Variants in RAB11FIP5 observed in about 807,000 individuals in gnomAD.
The protein encoded by RAB11FIP5 is RAB11 family interacting protein 5, also known as rab11 family-interacting protein 5.
A neutral mutation model predicts 85.1 loss-of-function variants in RAB11FIP5; 48 were observed. The ratio of observed to expected loss-of-function variants is 0.56; its 90% CI spans 0.45 to 0.72. RAB11FIP5 has a LOEUF of 0.72. Ranked by LOEUF, RAB11FIP5 falls within the 30% of genes least tolerant of loss-of-function variation. RAB11FIP5 has a pLI of 0.00. For missense variants in RAB11FIP5, 1,491 were observed against 1,687.0 expected, an observed-to-expected ratio of 0.88 and a Z score of 2.04; for synonymous variants, 729 against 727.3, an observed-to-expected ratio of 1.00 and a Z score of -0.04.
Position 73,076,292 on chromosome 2 carries a change from A to C in RAB11FIP5, c.3582-110T>G. The C allele has an allele frequency of 2.8e-6, 3 of 1,067,688 alleles. No homozygotes were observed. In the South Asian group the frequency reaches 4.4e-5, roughly 16 times the overall value. 66.1% of individuals were successfully genotyped at this position (1,067,688 alleles called of 1,614,324 possible). A position where few individuals can be genotyped will look rare whatever the true frequency, so the allele number is the denominator to read the frequency against. On this transcript the variant is annotated intron_variant, in intron 4 of 5. Transcript: ENST00000486777. ...AGGTCTGCTGGACAGAAAGCCCAGC[A>C]CTGGGTGGTAGCTGCCCCTACAGAG...
In RAB11FIP5 at chr2:73,075,945, TC is replaced by T; in HGVS notation, c.3771+47del. On this transcript the variant is annotated intron_variant, in intron 5 of 5. Coordinates refer to ENST00000486777, the MANE Select transcript of RAB11FIP5 (RefSeq NM_001371272.1). This position sits in a 1 kb window ranked among gnomAD's most constrained non-coding sequence, Gnocchi z 4.6. Reference sequence around the variant, plus strand: ...CCTCACCAGGACCAAGCCCTGAGACTCCACCACACATTCTGTCAGATGGCCC... The same window carrying T: ...CCTCACCAGGACCAAGCCCTGAGACTCACCACACATTCTGTCAGATGGCCC... The T allele has an allele frequency of 6.3e-7, 1 of 1,575,244 alleles. No individual in the cohort carries two copies. The highest frequency in any genetic ancestry group is 8.7e-7 in the Non-Finnish European group (1 of 1,155,562).
intron 4 of RAB11FIP5, among the ~76,000 whole-genome samples, chr2:73,079,283 C>T (rs755809250): frequency 6.6e-6 from 1 of 152,102 alleles, no homozygotes; most frequent in South Asian, 2.1e-4. Flanking sequence ...CCCCCACCCA[C>T]AGCTCCCCTG....
rs909073924 is a variant in RAB11FIP5 at position 73,080,297 on chromosome 2, C to G, written c.2935G>C (p.Val979Leu). 1.6e-6 allele frequency: 2 copies of G among 1,233,030 alleles called. No homozygotes were observed. Among genetic ancestry groups the G allele is most frequent in the Non-Finnish European group, 2.0e-6 (2 of 988,772 alleles). The allele number at this position is 1,233,030 out of a possible 1,614,324, so 76.4% of individuals were successfully genotyped here. ...LLGQPGLEEL[V>L]EDASPPVSGP... ...GACACAGGGGGGCTGGCATCCTCCA[C>G]TAGCTCTTCCAGGCCAGGCTGGCCC... The change falls in exon 4 of 6, where the codon GTG (valine) becomes CTG (leucine). Residue 979 changes from valine to leucine, a missense_variant. Val to Leu is a conservative substitution (Grantham distance 32, BLOSUM62 1). Around this residue, in one of 3 missense-constraint regions of RAB11FIP5, gnomAD observed 1,211 missense variants for 1,338.0 expected, o/e 0.91. Coordinates refer to ENST00000486777, the MANE Select transcript of RAB11FIP5 (RefSeq NM_001371272.1).
rs1331927679 is a variant in RAB11FIP5, at chr2:73,112,813, G to A, written c.-36C>T. 7.2e-6 allele frequency: 10 copies of A among 1,398,016 alleles called. No homozygotes were observed. The highest frequency in any genetic ancestry group is 9.2e-6 in the Non-Finnish European group (10 of 1,086,216). 86.6% of individuals were successfully genotyped at this position (1,398,016 alleles called of 1,614,324 possible). On this transcript the variant is annotated 5_prime_UTR_variant, in exon 1 of 6. Transcript: ENST00000486777. ...CGGGGGGCGAGGTCTGGCCGAGCCG[G>A]TGCAGACCCCAGGACCTGGTGACAA...
At chr2:73,085,204 A>G (rs1684068832) in intron 3 of RAB11FIP5, among the ~76,000 whole-genome samples, 2 of 152,110 alleles carry the variant, frequency 1.3e-5, no homozygotes, top group African/African-American at 2.4e-5. Flanking sequence ...AGCACATTCC[A>G]GGCCCACAGG....
At chr2:73,076,297 G>A (rs1368312297) in intron 4 of RAB11FIP5, 115 bp from the exon 5 acceptor site, 1 of 1,011,198 alleles carries the variant, frequency 9.9e-7, no homozygotes, top group African/African-American at 1.6e-5. Flanking sequence ...CCAGCACTGG[G>A]TGGTAGCTGC....
intron 1 of RAB11FIP5, among the ~76,000 whole-genome samples, chr2:73,111,902 C>T (rs1232355289): frequency 1.3e-5 from 2 of 152,182 alleles, no homozygotes; most frequent in Non-Finnish European, 2.9e-5. Flanking sequence ...AGACACCTGG[C>T]TTTCCTTCCC....
At chr2:73,092,379 CT>C (rs1416154164) in intron 1 of RAB11FIP5, among the ~76,000 whole-genome samples, 2 of 152,194 alleles carry the variant, frequency 1.3e-5, no homozygotes, top group African/African-American at 4.8e-5. Flanking sequence ...GACCGGGGCC[CT>C]GTGGTGAGAT....
chr2:73,105,287 G>C (rs1684502713), intron 1 of RAB11FIP5, among the ~76,000 whole-genome samples: 1 of 152,066 alleles, frequency 6.6e-6, no homozygotes. Flanking sequence ...CTGTCACCCA[G>C]GCTGGAGTGC....
rs1386820508 is a variant in RAB11FIP5 at position 73,080,787 on chromosome 2, G to A, written c.2445C>T (p.Ser815=). 4 of 1,232,282 alleles carry A rather than the reference G, an allele frequency of 3.2e-6. No individual in the cohort carries two copies. The highest frequency in any genetic ancestry group is 3.2e-5 in the East Asian group (1 of 31,724). 76.3% of individuals were successfully genotyped at this position (1,232,282 alleles called of 1,614,324 possible). ...GGCAAAGCTGATTTTCGCCTCGGGA[G>A]GACTCATCGTCCTGGCCCTCAGCAG... The part of the protein sequence containing the change: ...ESAAEGQDDE[S]SRGENQLCPD... Residue 815 remains serine (S), a synonymous_variant, in exon 4 of 6, where the codon TCC becomes TCT. Coordinates refer to ENST00000486777, the MANE Select transcript of RAB11FIP5 (RefSeq NM_001371272.1).
In RAB11FIP5 at chr2:73,075,831, A is replaced by C; in HGVS notation, c.3772-107T>G. ...CCACCAACACCTAAGTTTCACCACC[A>C]CAGGGCCCCAGGCTGCCTGTCTCCA... On this transcript the variant is annotated intron_variant, in intron 5 of 5. Coordinates refer to ENST00000486777, the MANE Select transcript of RAB11FIP5 (RefSeq NM_001371272.1). The surrounding 1 kb of genome is among the most constrained non-coding windows in gnomAD (Gnocchi z 4.6). The C allele has an allele frequency of 6.9e-7, 1 of 1,451,336 alleles. No individual in the cohort carries two copies. The highest frequency in any genetic ancestry group is 9.4e-7 in the Non-Finnish European group (1 of 1,063,612). The allele number at this position is 1,451,336 out of a possible 1,614,324, so 89.9% of individuals were successfully genotyped here. A position where few individuals can be genotyped will look rare whatever the true frequency, so the allele number is the denominator to read the frequency against.
chr2:73,103,409 T>C (rs986733985), intron 1 of RAB11FIP5, among the ~76,000 whole-genome samples: 5 of 152,102 alleles, frequency 3.3e-5, no homozygotes, highest in East Asian at 3.9e-4. Flanking sequence ...CAAAGGTCTG[T>C]CACTGTCAGC....
At chr2:73,109,027 A>C (rs529586783) in intron 1 of RAB11FIP5, among the ~76,000 whole-genome samples, 41 of 152,196 alleles carry the variant, frequency 2.7e-4, no homozygotes, top group Non-Finnish European at 5.6e-4. Flanking sequence ...CTTGGGCAAC[A>C]GAGTGAGACA....
At chr2:73,076,242 G>C in intron 4 of RAB11FIP5, 60 bp from the exon 5 acceptor site, 1 of 1,454,064 alleles carries the variant, frequency 6.9e-7, no homozygotes, top group East Asian at 2.3e-5. Context: ...GTCAAAGGTG[G>C]GGCTGCCTTC....
Position 73,088,498 on chromosome 2 carries a change from G to A in RAB11FIP5, c.1120C>T (p.Arg374Trp), listed in dbSNP as rs764463298. 2.4e-5 allele frequency: 38 copies of A among 1,613,898 alleles called. No individual in the cohort carries two copies. Among genetic ancestry groups the A allele is most frequent in the East Asian group, 6.7e-5 (3 of 44,898 alleles). Residue 374 changes from arginine to tryptophan, a missense_variant, in exon 3 of 6, where the codon CGG becomes TGG. By Grantham distance (101) the Arg-to-Trp change is moderately radical. This residue lies in a region of RAB11FIP5 where 1,211 missense variants were observed against 1,338.0 expected (regional missense o/e 0.91). Coordinates refer to ENST00000486777, the MANE Select transcript of RAB11FIP5 (RefSeq NM_001371272.1). Reference sequence around the variant, plus strand: ...GAACGAGGCCCCTCCTCGGAGAACCGGGAAGAGACAGCTTGCAAGGAGCCA... The same window carrying A: ...GAACGAGGCCCCTCCTCGGAGAACCAGGAAGAGACAGCTTGCAAGGAGCCA... ...SSGSLQAVSS[R>W]FSEEGPRSTD... is the part of the protein sequence containing the mutation.
Position 73,081,110 on chromosome 2 carries a change from C to T in RAB11FIP5, c.2122G>A (p.Gly708Arg), listed in dbSNP as rs1683969356. 8.1e-7 allele frequency: 1 copy of T among 1,232,520 alleles called. No individual in the cohort carries two copies. The highest frequency in any genetic ancestry group is 1.0e-6 in the Non-Finnish European group (1 of 988,116). 76.3% of individuals were successfully genotyped at this position (1,232,520 alleles called of 1,614,324 possible). A position where few individuals can be genotyped will look rare whatever the true frequency, so the allele number is the denominator to read the frequency against. Residue 708 changes from glycine to arginine, a missense_variant, in exon 4 of 6, where the codon GGA (glycine) becomes AGA (arginine). By Grantham distance (125) the Gly-to-Arg change is moderately radical (BLOSUM62 -2). Coordinates refer to ENST00000486777, the MANE Select transcript of RAB11FIP5 (RefSeq NM_001371272.1). This position sits in a 1 kb window ranked among gnomAD's most constrained non-coding sequence, Gnocchi z 4.2. ...GEPGGGGGGG[G>R]GGGGRGGSSV... is the part of the protein sequence containing the mutation. Reference sequence around the variant, plus strand: ...CTCCCACCTCTTCCTCCTCCTCCTCCTCCTCCTCCTCCTCCTCCCCCAGGC... The same window carrying T: ...CTCCCACCTCTTCCTCCTCCTCCTCTTCCTCCTCCTCCTCCTCCCCCAGGC...
Position 73,094,597 on chromosome 2 carries a change from A to G in RAB11FIP5, c.432-5282T>C, listed in dbSNP as rs545572485. On this transcript the variant is annotated intron_variant, in intron 1 of 5. Coordinates refer to ENST00000486777, the MANE Select transcript of RAB11FIP5 (RefSeq NM_001371272.1). ...GTTTGGGGGTGGGGCCCCACAGGTG[A>G]GTGAATTCACCCAGACCCCATGTGG... Among the ~76,000 whole-genome samples, 7 of 152,276 alleles carry G rather than the reference A, an allele frequency of 4.6e-5. No individual in the cohort carries two copies. The South Asian group carries it at 1.5e-3, about 32-fold the overall frequency.
chr2:73,097,697 C>T (rs1361028970), intron 1 of RAB11FIP5, among the ~76,000 whole-genome samples: 1 of 152,208 alleles, frequency 6.6e-6, no homozygotes, highest in Non-Finnish European at 1.5e-5. Context: ...AAACAGGAGC[C>T]TTTGGAGGGC....
At chr2:73,111,045 C>T (rs559319245) in intron 1 of RAB11FIP5, among the ~76,000 whole-genome samples, 1 of 152,132 alleles carries the variant, frequency 6.6e-6, no homozygotes, top group African/African-American at 2.4e-5. Context: ...CTATATACCA[C>T]ATGATCCCAC....
Sources: gnomAD v4.1 joint callset for allele counts (sites outside exome capture counted in the v4.1 genomes callset) on GRCh38, gnomAD v4.1.1 for gene constraint, gnomAD v4.1.1 regional missense constraint, Gnocchi (gnomAD v3.1) non-coding constraint, MANE v1.5 for transcripts, NCBI Gene and HGNC (gene_info 2026-07-23, HGNC 2026-07-21) for gene names.